The following WNT8B variants were observed in gnomAD, a reference collection of about 807,000 sequenced individuals.
WNT8B encodes the protein protein Wnt-8b.
A neutral mutation model predicts 36.6 loss-of-function variants in WNT8B; 24 were observed. That is an observed-to-expected ratio of 0.66 (90% CI 0.48 to 0.92). The LOEUF is 0.92. WNT8B is among the 40% of genes least tolerant of loss of function. The pLI is 0.00. For missense variants in WNT8B, 402 were observed against 470.8 expected, an observed-to-expected ratio of 0.85 and a Z score of 1.35; for synonymous variants, 199 against 189.8, an observed-to-expected ratio of 1.05 and a Z score of -0.40.
chr10:100,466,880 T>C (rs1850912483), intron 1 of WNT8B, among the ~76,000 whole-genome samples: 1 of 152,170 alleles, frequency 6.6e-6, no homozygotes, highest in Non-Finnish European at 1.5e-5. Flanking sequence ...GATGCTTGTC[T>C]ATTTCCATCA....
At chr10:100,475,298 G>A (rs146307283) in intron 1 of WNT8B, among the ~76,000 whole-genome samples, 8 of 152,108 alleles carry the variant, frequency 5.3e-5, no homozygotes, top group South Asian at 2.1e-4. Flanking sequence ...GCAGTGAGCC[G>A]ACATCACACC....
intron 1 of WNT8B, among the ~76,000 whole-genome samples, chr10:100,475,122 C>A (rs956320894): frequency 3.9e-5 from 6 of 151,996 alleles, no homozygotes; most frequent in African/African-American, 1.4e-4. Flanking sequence ...CGCCTGTAAT[C>A]CCAGCTACTC....
chr10:100,476,238 G>A (rs1227828112), intron 1 of WNT8B, among the ~76,000 whole-genome samples: 1 of 152,134 alleles, frequency 6.6e-6, no homozygotes, highest in African/African-American at 2.4e-5. Flanking sequence ...GAACCTGGGA[G>A]GCAGAGGTTG....
At chr10:100,471,809 T>A (rs1850980388) in intron 1 of WNT8B, among the ~76,000 whole-genome samples, 1 of 152,208 alleles carries the variant, frequency 6.6e-6, no homozygotes, top group African/African-American at 2.4e-5. Context: ...CATATAATTG[T>A]GATCATTATA....
At chr10:100,470,269 T>G (rs910389963) in intron 1 of WNT8B, among the ~76,000 whole-genome samples, 1 of 152,170 alleles carries the variant, frequency 6.6e-6, no homozygotes, top group East Asian at 1.9e-4. Flanking sequence ...GGGACTATAG[T>G]GTATGCCACC....
chr10:100,481,081 T>C lies in WNT8B; in HGVS notation c.325T>C (p.Phe109Leu). The change falls in exon 4 of 6, where the codon TTT becomes CTT. Residue 109 changes from phenylalanine to leucine, a missense_variant. Phe to Leu is a conservative substitution (Grantham distance 22, BLOSUM62 0). Coordinates refer to ENST00000343737, the MANE Select transcript of WNT8B (RefSeq NM_003393.4). ...GACTAGAAACTGCAGCCTTGGAGATTTTGATAACTGTGGCTGTGATGACTC... is the reference window on the plus strand; with the variant it reads ...GACTAGAAACTGCAGCCTTGGAGATCTTGATAACTGTGGCTGTGATGACTC... ...TLTRNCSLGDFDNCGCDDSRN... is the reference protein window; with the variant it reads ...TLTRNCSLGDLDNCGCDDSRN... The C allele has an allele frequency of 6.2e-7, 1 of 1,614,082 alleles. No individual in the cohort carries two copies. The highest frequency in any genetic ancestry group is 1.1e-5 in the South Asian group (1 of 91,080).
chr10:100,482,181 G>T lies in WNT8B; in HGVS notation c.511-90G>T. ...AGGTACCAAGTGGGCTGGCCCAGTA[G>T]ACTAACTAGACTTCTCGCAACTCCC... On this transcript the variant is annotated intron_variant, in intron 5 of 5. Coordinates refer to ENST00000343737, the MANE Select transcript of WNT8B (RefSeq NM_003393.4). The surrounding 1 kb of genome is among the most constrained non-coding windows in gnomAD (Gnocchi z 6.6). 2 of 1,534,974 alleles carry T rather than the reference G, an allele frequency of 1.3e-6. No homozygotes were observed. Among genetic ancestry groups the T allele is most frequent in the Non-Finnish European group, 1.7e-6 (2 of 1,143,650 alleles).
chr10:100,482,636 G>A lies in WNT8B; in HGVS notation c.876G>A (p.Gly292=), dbSNP rs2133660093. 1 of 1,604,236 alleles carries A rather than the reference G, an allele frequency of 6.2e-7. No homozygotes were observed. Among genetic ancestry groups the A allele is most frequent in the East Asian group, 2.2e-5 (1 of 44,804 alleles). ...GCCGCAGCTGCCGCCGGCTCTGCGG[G>A]GACTGCGGGCTGGCGGTGGAGGAGC... ...WERRSCRRLC[G]DCGLAVEERR... Residue 292 remains glycine (G), a synonymous_variant, in exon 6 of 6, where the codon GGG becomes GGA. Coordinates refer to ENST00000343737, the MANE Select transcript of WNT8B (RefSeq NM_003393.4). The surrounding 1 kb of genome is among the most constrained non-coding windows in gnomAD (Gnocchi z 6.6).
chr10:100,471,179 T>C (rs957372455), intron 1 of WNT8B, among the ~76,000 whole-genome samples: 4 of 152,236 alleles, frequency 2.6e-5, no homozygotes, highest in Non-Finnish European at 5.9e-5. Context: ...TAGGAGGCTA[T>C]CCATCTAGGT....
chr10:100,480,419 A>G (rs1851095206), intron 3 of WNT8B, among the ~76,000 whole-genome samples: 1 of 152,228 alleles, frequency 6.6e-6, no homozygotes, highest in Non-Finnish European at 1.5e-5. Context: ...GAGAAGATAA[A>G]GAGTGGCCAT....
intron 1 of WNT8B, among the ~76,000 whole-genome samples, chr10:100,468,046 GAGA>G (rs1313205808): frequency 2.0e-5 from 3 of 152,162 alleles, no homozygotes; most frequent in Non-Finnish European, 4.4e-5. Context: ...TTGCCCTTAG[GAGA>G]AGATCAAGAA....
chr10:100,463,540 G>A (rs1261191035), intron 1 of WNT8B, among the ~76,000 whole-genome samples: 1 of 152,150 alleles, frequency 6.6e-6, no homozygotes, highest in Non-Finnish European at 1.5e-5. Context: ...AAATCCTGAT[G>A]TCAGCATTGT....
chr10:100,483,082 G>GA lies in WNT8B; in HGVS notation c.*268dup. 1 of 424,292 alleles carries GA rather than the reference G, an allele frequency of 2.4e-6. No homozygotes were observed. Among genetic ancestry groups the GA allele is most frequent in the Non-Finnish European group, 4.1e-6 (1 of 242,138 alleles). The allele number at this position is 424,292 out of a possible 1,614,324, so 26.3% of individuals were successfully genotyped here. On this transcript the variant is annotated 3_prime_UTR_variant, in exon 6 of 6. Transcript: ENST00000343737. ...GTTACTGATCTTCCTTGGATTAGGA[G>GA]AACAGGTGTTCCTCCTCCCCTCTCC... is the stretch of plus-strand genomic sequence containing the variant.
At chr10:100,477,764 T>C (rs1851056568) in intron 1 of WNT8B, among the ~76,000 whole-genome samples, 1 of 135,844 alleles carries the variant, frequency 7.4e-6, no homozygotes, top group Admixed American at 7.3e-5. Context: ...ATATGACAAG[T>C]TCATTTTTAG....
At position 100,479,933 on chromosome 10, in the gene WNT8B, CA is replaced by C. The variant is rs745389332; in HGVS notation, c.164del (p.Lys55SerfsTer46). On this transcript the variant is annotated frameshift_variant, in exon 3 of 6. Transcript: ENST00000343737. LOFTEE classifies it high-confidence loss of function. ...AGAQSGIEEC[K>X]YQFAWDRWNC... is the part of the protein sequence containing the mutation. ...GTGCCCAGAGTGGTATTGAAGAATG[CA>C]AGTATCAGTTTGCCTGGGACCGCTG... 3.7e-6 allele frequency: 6 copies of C among 1,613,990 alleles called. No individual in the cohort carries two copies. In the Admixed American group the frequency reaches 1.0e-4, roughly 27 times the overall value.
At chr10:100,481,155 G>T (rs557430650) in intron 4 of WNT8B, 32 bp downstream of exon 4, 1 of 1,610,008 alleles carries the variant, frequency 6.2e-7, no homozygotes, top group Non-Finnish European at 8.5e-7. Context: ...GGTACCATAG[G>T]CCAGCCAACG....
At chr10:100,465,932 A>G (rs1850903232) in intron 1 of WNT8B, among the ~76,000 whole-genome samples, 1 of 152,186 alleles carries the variant, frequency 6.6e-6, no homozygotes, top group African/African-American at 2.4e-5. Context: ...CATAAAGCTG[A>G]AATTATTGAT....
At chr10:100,475,410 G>A (rs892043312) in intron 1 of WNT8B, among the ~76,000 whole-genome samples, 2 of 152,154 alleles carry the variant, frequency 1.3e-5, no homozygotes, top group African/African-American at 4.8e-5. Context: ...TTATAGGAAT[G>A]TTGTCCAAAT....
chr10:100,480,961 C>T, intron 3 of WNT8B, 37 bp from the exon 4 acceptor site: 4 of 1,607,252 alleles, frequency 2.5e-6, no homozygotes, highest in Non-Finnish European at 3.4e-6. Context: ...TAAGCTGAAA[C>T]CCCTCCCTCT....
Sources: gnomAD v4.1 joint callset for allele counts (sites outside exome capture counted in the v4.1 genomes callset) on GRCh38, gnomAD v4.1.1 for gene constraint, Gnocchi (gnomAD v3.1) non-coding constraint, MANE v1.5 for transcripts, NCBI Gene and HGNC (gene_info 2026-07-23, HGNC 2026-07-21) for gene names.